Variants in COPS2 observed in about 807,000 individuals in gnomAD.
COPS2 encodes COP9 signalosome complex subunit 2.
Under a neutral mutation model 66.1 loss-of-function variants are expected in COPS2, and 10 were observed. The observed-to-expected ratio is 0.15, with a 90% CI of 0.09 to 0.26. The LOEUF is 0.26. COPS2 is among the 10% of genes least tolerant of loss of function. The probability of loss-of-function intolerance (pLI) is 1.00; values close to 1 mark genes in which losing one functional copy is unlikely to be tolerated. For missense variants in COPS2, 215 were observed against 513.3 expected, an observed-to-expected ratio of 0.42 and a Z score of 5.62; for synonymous variants, 179 against 171.3, an observed-to-expected ratio of 1.04 and a Z score of -0.35.
chr15:49,149,748 A>G (rs981915627), intron 1 of COPS2, among the ~76,000 whole-genome samples: 6 of 152,192 alleles, frequency 3.9e-5, no homozygotes, highest in African/African-American at 1.4e-4. Context: ...TAAGAAATGT[A>G]CTTTAGGAAA....
intron 6 of COPS2, among the ~76,000 whole-genome samples, chr15:49,136,053 T>G (rs2084248745): frequency 6.6e-6 from 1 of 152,116 alleles, no homozygotes; most frequent in Admixed American, 6.5e-5. Context: ...AAATAATTCC[T>G]AAGTGACTAA....
chr15:49,132,673 A>G (rs2084220436), intron 9 of COPS2, among the ~76,000 whole-genome samples: 1 of 151,834 alleles, frequency 6.6e-6, no homozygotes, highest in South Asian at 2.1e-4. Flanking sequence ...AGACTTGAAG[A>G]AATTTAGTAA....
At chr15:49,130,226 G>A (rs2084198107) in intron 10 of COPS2, among the ~76,000 whole-genome samples, 1 of 152,096 alleles carries the variant, frequency 6.6e-6, no homozygotes, top group Non-Finnish European at 1.5e-5. Flanking sequence ...AGAAGTCCAA[G>A]AGCAAAGAGA....
rs919570752 is a variant in COPS2 at position 49,124,636 on chromosome 15, CTTTT to C, written c.*3310_*3313del. ...TACAAAATAGTTAAATGTCAAATTC[CTTTT>C]TTTGTTATATACTTCAGTTCAAAAT... is the stretch of plus-strand genomic sequence containing the variant. On this transcript the variant is annotated 3_prime_UTR_variant, in exon 13 of 13. Coordinates refer to ENST00000388901, the MANE Select transcript of COPS2 (RefSeq NM_004236.4). The C allele has an allele frequency of 1.3e-5, 2 of 151,972 alleles. No individual in the cohort carries two copies. Among genetic ancestry groups the C allele is most frequent in the East Asian group, 1.9e-4 (1 of 5,196 alleles). The allele number at this position is 151,972 out of a possible 1,614,324, so 9.4% of individuals were successfully genotyped here.
intron 3 of COPS2, among the ~76,000 whole-genome samples, chr15:49,141,953 G>C (rs1374625398): frequency 6.6e-6 from 1 of 152,160 alleles, no homozygotes; most frequent in African/African-American, 2.4e-5. Flanking sequence ...AGGGACTCTT[G>C]GTATTATCTC....
At chr15:49,132,716 C>T (rs2084221011) in intron 9 of COPS2, among the ~76,000 whole-genome samples, 1 of 151,854 alleles carries the variant, frequency 6.6e-6, no homozygotes, top group Admixed American at 6.6e-5. Context: ...ATAAAACCCA[C>T]AAAAACCCTG....
chr15:49,129,101 A>G (rs1177664798), intron 11 of COPS2, among the ~76,000 whole-genome samples: 4 of 152,166 alleles, frequency 2.6e-5, no homozygotes, highest in African/African-American at 9.7e-5. Context: ...TCTTTGTTAC[A>G]ATGTTAAGGC....
intron 4 of COPS2, among the ~76,000 whole-genome samples, chr15:49,138,900 A>G (rs1393269214): frequency 2.0e-5 from 3 of 152,224 alleles, no homozygotes; most frequent in Non-Finnish European, 4.4e-5. Flanking sequence ...GCTTACAAGG[A>G]TAAGGACAAA....
intron 3 of COPS2, among the ~76,000 whole-genome samples, chr15:49,142,997 A>G (rs1257171735): frequency 6.6e-6 from 1 of 152,196 alleles, no homozygotes; most frequent in Non-Finnish European, 1.5e-5. Flanking sequence ...AAGAGCAAAG[A>G]AGAAATTTAA....
In COPS2 at chr15:49,137,201, C is replaced by T; in HGVS notation, c.489G>A (p.Glu163=). Residue 163 remains glutamate, a synonymous_variant, in exon 6 of 13, where the codon GAG becomes GAA. Coordinates refer to ENST00000388901, the MANE Select transcript of COPS2 (RefSeq NM_004236.4). The part of the protein sequence containing the change: ...TKLGKLYLER[E]EYGKLQKILR... ...AAATTTTTTGAAGCTTTCCATATTCCTCTCGTTCTAAATATAATTTTCCAA... is the reference window on the plus strand; with the variant it reads ...AAATTTTTTGAAGCTTTCCATATTCTTCTCGTTCTAAATATAATTTTCCAA... The T allele has an allele frequency of 1.2e-6, 2 of 1,604,528 alleles. No individual in the cohort carries two copies. Among genetic ancestry groups the T allele is most frequent in the South Asian group, 1.1e-5 (1 of 88,148 alleles).
intron 9 of COPS2, 111 bp from the exon 10 acceptor site, chr15:49,130,927 AT>A: frequency 2.0e-6 from 1 of 503,614 alleles, no homozygotes; most frequent in Non-Finnish European, 3.5e-6. Flanking sequence ...TCTAAATAAT[AT>A]TATACTTTCT....
At chr15:49,143,700 G>A (rs1483620368) in intron 3 of COPS2, among the ~76,000 whole-genome samples, 1 of 152,178 alleles carries the variant, frequency 6.6e-6, no homozygotes, top group Non-Finnish European at 1.5e-5. Context: ...TAATAATGCA[G>A]CCCTGGCAGG....
Position 49,128,035 on chromosome 15 carries a change from C to T in COPS2, c.1247G>A (p.Arg416Lys). 2 of 1,613,928 alleles carry T rather than the reference C, an allele frequency of 1.2e-6. No individual in the cohort carries two copies. The highest frequency in any genetic ancestry group is 1.7e-6 in the Non-Finnish European group (2 of 1,179,866). ...TAGTGCAGTATATCGTGCACCACCC[C>T]TCTTCTGATGATCCAGTTCAAGGAG... ...NQLLELDHQK[R>K]GGARYTALDK... Residue 416 changes from arginine (R) to lysine (K), a missense_variant, in exon 13 of 13, where the codon AGG (arginine) becomes AAG (lysine). Physicochemically the swap from Arg to Lys is conservative, Grantham distance 26 (BLOSUM62 2). Transcript: ENST00000388901.
intron 12 of COPS2, 148 bp from the exon 13 acceptor site, chr15:49,128,242 C>G (rs1403523522): frequency 1.5e-6 from 1 of 684,106 alleles, no homozygotes; most frequent in African/African-American, 1.8e-5. Context: ...TTTAACTTCA[C>G]TGTGTTATTC....
At chr15:49,146,981 T>C (rs1444610717) in intron 1 of COPS2, among the ~76,000 whole-genome samples, 1 of 152,110 alleles carries the variant, frequency 6.6e-6, no homozygotes, top group Non-Finnish European at 1.5e-5. Flanking sequence ...GCTATTTCTC[T>C]CTCTTTCCAC....
chr15:49,144,606 G>A (rs994861630), intron 2 of COPS2, among the ~76,000 whole-genome samples: 11 of 152,028 alleles, frequency 7.2e-5, no homozygotes, highest in Admixed American at 2.6e-4. Flanking sequence ...AAAATAATCC[G>A]TAAGTGTATC....
intron 1 of COPS2, among the ~76,000 whole-genome samples, chr15:49,145,950 T>G (rs1246042242): frequency 1.3e-5 from 2 of 152,140 alleles, no homozygotes; most frequent in African/African-American, 4.8e-5. Context: ...AGGGCAAGTT[T>G]ATATCAAATT....
chr15:49,151,251 T>G (rs1270287718), intron 1 of COPS2, among the ~76,000 whole-genome samples: 1 of 151,896 alleles, frequency 6.6e-6, no homozygotes, highest in Non-Finnish European at 1.5e-5. Context: ...AATATAAAAA[T>G]TAGCCGGGCA....
At position 49,134,285 on chromosome 15, in the gene COPS2, T is replaced by C. The variant is rs550676535; in HGVS notation, c.715+55A>G. On this transcript the variant is annotated intron_variant, in intron 7 of 12. Transcript: ENST00000388901. Reference sequence around the variant, plus strand: ...AAGTTCTAAAAAGCAAGAGTTTAATTAAACACTTTGATATCTCCCCATGCC... The same window carrying C: ...AAGTTCTAAAAAGCAAGAGTTTAATCAAACACTTTGATATCTCCCCATGCC... 1.2e-3 allele frequency: 1,855 copies of C among 1,553,892 alleles called. 37 individuals are homozygous for C. In the South Asian group the frequency reaches 0.021, roughly 18 times the overall value.
Sources: allele counts gnomAD v4.1 joint callset (sites outside exome capture counted in the v4.1 genomes callset), GRCh38; gene constraint gnomAD v4.1.1; transcripts MANE v1.5; gene names NCBI Gene and HGNC (gene_info 2026-07-23, HGNC 2026-07-21).